The following ERBB4 variants were observed in gnomAD, a reference collection of about 807,000 sequenced individuals.
The protein encoded by ERBB4 is erb-b2 receptor tyrosine kinase 4, also known as receptor tyrosine-protein kinase erbB-4.
In ERBB4, 42 loss-of-function variants were observed where a neutral mutation model predicts 158.0. The observed-to-expected ratio is 0.27, with a 90% confidence interval of 0.21 to 0.34. ERBB4 has a LOEUF of 0.34. Ranked by LOEUF, ERBB4 falls within the 10% of genes least tolerant of loss-of-function variation. ERBB4 has a pLI of 1.00. For missense variants in ERBB4, 1,333 were observed against 1,624.1 expected (o/e 0.82, Z 3.08); for synonymous variants, 583 against 558.7 (o/e 1.04, Z -0.61).
chr2:212,082,997 G>C (rs2078491704), intron 2 of ERBB4, among the ~76,000 whole-genome samples: 1 of 151,850 alleles, frequency 6.6e-6, no homozygotes, highest in Non-Finnish European at 1.5e-5. Flanking sequence ...AACAAATGAA[G>C]GAAGCTAACT....
chr2:211,676,550 A>C (rs1407898478), intron 13 of ERBB4, among the ~76,000 whole-genome samples: 1 of 151,550 alleles, frequency 6.6e-6, no homozygotes, highest in Non-Finnish European at 1.5e-5. Flanking sequence ...AAATAAAAAC[A>C]ATGGTGTTCT....
At chr2:211,460,477 C>A (rs1393401457) in intron 20 of ERBB4, among the ~76,000 whole-genome samples, 1 of 152,112 alleles carries the variant, frequency 6.6e-6, no homozygotes, top group East Asian at 1.9e-4. Context: ...ATAATTAATT[C>A]AAAGTTGAAC....
rs541572648 is a variant in ERBB4 at position 212,391,450 on chromosome 2, C to A, written c.82+146999G>T. Among the ~76,000 whole-genome samples the A allele has an allele frequency of 1.8e-3, 272 of 150,504 alleles. 2 individuals are homozygous for A. Among genetic ancestry groups the A allele is most frequent in the African/African-American group, 6.4e-3 (263 of 41,170 alleles). Reference sequence around the variant, plus strand: ...GACTTTAATTAAAATAAATTATGTTCTCTCATCAAAGTAAAACCTTATCAG... The same window carrying A: ...GACTTTAATTAAAATAAATTATGTTATCTCATCAAAGTAAAACCTTATCAG... On this transcript the variant is annotated intron_variant, in intron 1 of 27. Coordinates refer to ENST00000342788, the MANE Select transcript of ERBB4 (RefSeq NM_005235.3).
At chr2:211,529,350 G>C (rs1248416513) in intron 20 of ERBB4, among the ~76,000 whole-genome samples, 1 of 151,578 alleles carries the variant, frequency 6.6e-6, no homozygotes, top group Admixed American at 6.6e-5. Flanking sequence ...TAATGAGATC[G>C]ATCATAATAA....
At chr2:212,200,960 T>G (rs915436478) in intron 1 of ERBB4, among the ~76,000 whole-genome samples, 7 of 152,202 alleles carry the variant, frequency 4.6e-5, no homozygotes, top group African/African-American at 1.7e-4. Context: ...AGTGCTTGTT[T>G]CTGAGTTTGA....
chr2:212,104,872 T>G (rs571423609), intron 2 of ERBB4, among the ~76,000 whole-genome samples: 19 of 152,304 alleles, frequency 1.2e-4, no homozygotes, highest in African/African-American at 4.3e-4. Flanking sequence ...TTATGATAGA[T>G]TCTATACGTT....
At chr2:211,384,121 G>A (rs1195431062) in intron 27 of ERBB4, 61 bp from the exon 28 acceptor site, 2 of 1,227,552 alleles carry the variant, frequency 1.6e-6, no homozygotes, top group South Asian at 1.2e-5. Flanking sequence ...ATCAGACCAA[G>A]GTTATACATA....
intron 3 of ERBB4, among the ~76,000 whole-genome samples, chr2:211,929,425 T>A (rs1194294940): frequency 6.6e-6 from 1 of 152,024 alleles, no homozygotes; most frequent in African/African-American, 2.4e-5. Flanking sequence ...CCAAAAGGGT[T>A]TCTTGCAAGA....
rs140185323 is a variant in ERBB4 at position 211,561,096 on chromosome 2, TATAGATAATC to T, written c.2487+797_2487+806del. On this transcript the variant is annotated intron_variant, in intron 20 of 27. Coordinates refer to ENST00000342788, the MANE Select transcript of ERBB4 (RefSeq NM_005235.3). ...GAAAATTATCAAGATAGATATCTGG[TATAGATAATC>T]ATAGATATTTGTTTTGAACATTTAG... Among the ~76,000 whole-genome samples, 982 of 152,282 alleles carry T rather than the reference TATAGATAATC, an allele frequency of 6.4e-3. 6 individuals carry two copies. Among genetic ancestry groups the T allele is most frequent in the African/African-American group, 0.022 (933 of 41,542 alleles).
intron 1 of ERBB4, among the ~76,000 whole-genome samples, chr2:212,348,085 T>G (rs768841947): frequency 1.3e-5 from 2 of 151,974 alleles, no homozygotes; most frequent in Non-Finnish European, 1.5e-5. Flanking sequence ...AAAAAGAAAA[T>G]AAAATTTTTA....
At chr2:212,204,042 CAACTT>C (rs1244410000) in intron 1 of ERBB4, among the ~76,000 whole-genome samples, 4 of 152,174 alleles carry the variant, frequency 2.6e-5, no homozygotes, top group African/African-American at 9.7e-5. Context: ...TAAAGATTAT[CAACTT>C]AAAACATTAA....
At chr2:211,716,858 A>G (rs2073934588) in intron 7 of ERBB4, among the ~76,000 whole-genome samples, 1 of 151,856 alleles carries the variant, frequency 6.6e-6, no homozygotes, top group Admixed American at 6.6e-5. Context: ...ATTAGCCTGT[A>G]GTTTGAGATA....
chr2:212,037,332 GATGAGA>G (rs2077039724), intron 2 of ERBB4, among the ~76,000 whole-genome samples: 1 of 152,164 alleles, frequency 6.6e-6, no homozygotes, highest in African/African-American at 2.4e-5. Context: ...ACATCTGAGA[GATGAGA>G]ATGAGTATAT....
intron 19 of ERBB4, among the ~76,000 whole-genome samples, chr2:211,610,279 A>T (rs73078792): frequency 0.021 from 3,170 of 152,162 alleles, 88 homozygotes; most frequent in African/African-American, 0.062. Context: ...TTTTCCCTTA[A>T]CCAAATTACT....
At chr2:211,496,754 G>A (rs537265324) in intron 20 of ERBB4, among the ~76,000 whole-genome samples, 2 of 152,166 alleles carry the variant, frequency 1.3e-5, no homozygotes, top group South Asian at 2.1e-4. Context: ...CCTCCAATAT[G>A]CCAGAAATAT....
intron 1 of ERBB4, among the ~76,000 whole-genome samples, chr2:212,332,429 A>C (rs1307428459): frequency 6.6e-6 from 1 of 151,970 alleles, no homozygotes; most frequent in Non-Finnish European, 1.5e-5. Flanking sequence ...CCAATACAGT[A>C]GTAGCTACTT....
At chr2:212,195,783 T>C (rs1173602460) in intron 1 of ERBB4, among the ~76,000 whole-genome samples, 1 of 152,186 alleles carries the variant, frequency 6.6e-6, no homozygotes, top group Non-Finnish European at 1.5e-5. Flanking sequence ...GAAATGTTTA[T>C]GTTGTGAGTT....
intron 2 of ERBB4, among the ~76,000 whole-genome samples, chr2:212,044,885 T>C (rs1169769707): frequency 6.6e-6 from 1 of 152,068 alleles, no homozygotes; most frequent in Admixed American, 6.6e-5. Flanking sequence ...CCAATTGTTA[T>C]GTGTTGTTTT....
At chr2:211,884,710 T>A (rs866263442) in intron 3 of ERBB4, among the ~76,000 whole-genome samples, 14 of 152,302 alleles carry the variant, frequency 9.2e-5, no homozygotes, top group African/African-American at 1.9e-4. Flanking sequence ...ACAACCCCCA[T>A]CTGTCCAATT....
Sources: allele counts gnomAD v4.1 joint callset (sites outside exome capture counted in the v4.1 genomes callset), GRCh38; gene constraint gnomAD v4.1.1; transcripts MANE v1.5; gene names NCBI Gene and HGNC (gene_info 2026-07-23, HGNC 2026-07-21).